The following RORC variants were observed in gnomAD, a reference collection of about 807,000 sequenced individuals.
RORC encodes RAR related orphan receptor C.
A neutral mutation model predicts 64.5 loss-of-function variants in RORC; 13 were observed. The ratio of observed to expected loss-of-function variants is 0.20; its 90% CI spans 0.13 to 0.32. The LOEUF is 0.32. RORC is among the 10% of genes least tolerant of loss of function. RORC has a pLI of 1.00. For missense variants in RORC, 468 were observed against 669.5 expected (o/e 0.70, Z 3.32); for synonymous variants, 277 against 259.3 (o/e 1.07, Z -0.65).
intron 2 of RORC, among the ~76,000 whole-genome samples, chr1:151,824,825 G>A (rs1335130138): frequency 2.0e-5 from 3 of 152,192 alleles, no homozygotes; most frequent in African/African-American, 7.2e-5. Context: ...CAGTGACTTG[G>A]CTTGTCTAAG....
intron 1 of RORC, among the ~76,000 whole-genome samples, chr1:151,829,810 T>C (rs1028217453): frequency 1.3e-5 from 2 of 152,184 alleles, no homozygotes; most frequent in Non-Finnish European, 2.9e-5. Context: ...ACACACCCCC[T>C]TCCCCTGCCC....
chr1:151,827,801 G>T (rs1468761069), intron 2 of RORC, among the ~76,000 whole-genome samples: 1 of 152,192 alleles, frequency 6.6e-6, no homozygotes, highest in Non-Finnish European at 1.5e-5. Context: ...GTGGGGACAC[G>T]AGGACTGGTG....
chr1:151,814,514 C>T (rs1035094759), intron 6 of RORC, 60 bp downstream of exon 6: 12 of 1,558,784 alleles, frequency 7.7e-6, no homozygotes, highest in Non-Finnish European at 1.0e-5. Flanking sequence ...AGGTAGCCAT[C>T]TCTGAACTCT....
At chr1:151,829,522 C>G in intron 1 of RORC, 64 bp from the exon 2 acceptor site, 1 of 1,390,674 alleles carries the variant, frequency 7.2e-7, no homozygotes, top group Non-Finnish European at 9.5e-7. Flanking sequence ...GAGACACTTT[C>G]CCCACTCCTA....
In RORC at chr1:151,815,073, G is replaced by C; in HGVS notation, c.651C>G (p.Phe217Leu). ...ERGKAEGRES[F>L]YSTGSQLTPD... ...GGGTCAGCTGGCTGCCTGTGCTATA[G>C]AAGCTCTCTCTGCCCTCAGCCTTGC... Residue 217 changes from phenylalanine (F) to leucine (L), a missense_variant, in exon 5 of 11, where the codon TTC becomes TTG. By Grantham distance (22) the Phe-to-Leu change is conservative. Coordinates refer to ENST00000318247, the MANE Select transcript of RORC (RefSeq NM_005060.4). The C allele has an allele frequency of 6.2e-7, 1 of 1,614,232 alleles. No individual in the cohort carries two copies. Among genetic ancestry groups the C allele is most frequent in the South Asian group, 1.1e-5 (1 of 91,086 alleles).
At chr1:151,827,555 G>A (rs1652243039) in intron 2 of RORC, among the ~76,000 whole-genome samples, 1 of 152,202 alleles carries the variant, frequency 6.6e-6, no homozygotes, top group Non-Finnish European at 1.5e-5. Context: ...CCATCTTGGG[G>A]TTGTCTCAAT....
At position 151,829,472 on chromosome 1, in the gene RORC, A is replaced by C; in HGVS notation, c.41-14T>G. 1 of 1,524,900 alleles carries C rather than the reference A, an allele frequency of 6.6e-7. No homozygotes were observed. Among genetic ancestry groups the C allele is most frequent in the Non-Finnish European group, 8.7e-7 (1 of 1,144,226 alleles). 94.5% of individuals were successfully genotyped at this position (1,524,900 alleles called of 1,614,324 possible). On this transcript the variant is annotated splice_polypyrimidine_tract_variant and intron_variant, in intron 1 of 10. Coordinates refer to ENST00000318247, the MANE Select transcript of RORC (RefSeq NM_005060.4). ...CAGCCAGCAGCTCTGTAAAGACAAG[A>C]GAGGGGGTTGACGTCAAAGGTTGAA...
chr1:151,823,554 T>A (rs1041739873), intron 2 of RORC, among the ~76,000 whole-genome samples: 2 of 152,218 alleles, frequency 1.3e-5, no homozygotes, highest in African/African-American at 4.8e-5. Flanking sequence ...TTACTGCCAG[T>A]TATCTTTTCT....
At chr1:151,827,989 C>A (rs1225659283) in intron 2 of RORC, among the ~76,000 whole-genome samples, 2 of 151,940 alleles carry the variant, frequency 1.3e-5, no homozygotes, top group Admixed American at 6.6e-5. Context: ...ACTCCCTGAC[C>A]CGCTTTCCTC....
chr1:151,808,793 A>G (rs1428942450), intron 10 of RORC, among the ~76,000 whole-genome samples: 1 of 152,222 alleles, frequency 6.6e-6, no homozygotes, highest in Non-Finnish European at 1.5e-5. Context: ...TTCTTTAAAG[A>G]AAACTAAAGC....
At chr1:151,817,983 G>A (rs921565523) in intron 2 of RORC, among the ~76,000 whole-genome samples, 2 of 152,244 alleles carry the variant, frequency 1.3e-5, no homozygotes, top group African/African-American at 4.8e-5. Context: ...GTGTCTGAGT[G>A]TGAACACTTA....
Position 151,807,598 on chromosome 1 carries a change from G to A in RORC, c.1431C>T (p.Ser477=). 1 of 1,614,192 alleles carries A rather than the reference G, an allele frequency of 6.2e-7. No individual in the cohort carries two copies. Among genetic ancestry groups the A allele is most frequent in the African/African-American group, 1.3e-5 (1 of 75,034 alleles). Residue 477 remains serine, a synonymous_variant, in exon 11 of 11, where the codon AGC becomes AGT. Coordinates refer to ENST00000318247, the MANE Select transcript of RORC (RefSeq NM_005060.4). The surrounding 1 kb of genome is among the most constrained non-coding windows in gnomAD (Gnocchi z 5.0). ...PPKGKLRSLC[S]QHVERLQIFQ... ...AGATCTGCAGCCTTTCCACATGCTG[G>A]CTACACAGGCTCCGAAGCTTCCCCT...
intron 2 of RORC, among the ~76,000 whole-genome samples, chr1:151,827,023 C>T (rs1652221678): frequency 6.6e-6 from 1 of 152,182 alleles, no homozygotes; most frequent in South Asian, 2.1e-4. Flanking sequence ...GGGGCTGAGG[C>T]AGGAGAATCG....
chr1:151,827,773 C>T (rs2101677237), intron 2 of RORC, among the ~76,000 whole-genome samples: 1 of 152,268 alleles, frequency 6.6e-6, no homozygotes, highest in East Asian at 1.9e-4. Context: ...CCTGGATCCT[C>T]AGGACAACAC....
At chr1:151,825,939 C>G (rs750172796) in intron 2 of RORC, 1 of 1,613,778 alleles carries the variant, frequency 6.2e-7, no homozygotes, top group Non-Finnish European at 8.5e-7. Context: ...CTTCTCATGA[C>G]TGAGCCTTGG....
At chr1:151,814,502 G>T in intron 6 of RORC, 72 bp downstream of exon 6, 2 of 1,516,460 alleles carry the variant, frequency 1.3e-6, no homozygotes, top group Non-Finnish European at 1.8e-6. Context: ...CCAGTCGTGC[G>T]CAGGTAGCCA....
chr1:151,819,803 G>A (rs1215837024), intron 2 of RORC, among the ~76,000 whole-genome samples: 4 of 152,052 alleles, frequency 2.6e-5, no homozygotes, highest in Non-Finnish European at 5.9e-5. Flanking sequence ...GGCCAGTCAA[G>A]GACCCCCTTC....
chr1:151,826,108 G>A (rs1306381865), intron 2 of RORC: 2 of 1,389,986 alleles, frequency 1.4e-6, no homozygotes, highest in African/African-American at 1.5e-5. Flanking sequence ...GGGGGTTTAA[G>A]CTCTGCACCA....
At chr1:151,820,422 T>C (rs1326766073) in intron 2 of RORC, among the ~76,000 whole-genome samples, 1 of 152,106 alleles carries the variant, frequency 6.6e-6, no homozygotes, top group Non-Finnish European at 1.5e-5. Flanking sequence ...CTCAAACTGT[T>C]GCCCTGGAGC....
Sources: allele counts gnomAD v4.1 joint callset (sites outside exome capture counted in the v4.1 genomes callset), GRCh38; gene constraint gnomAD v4.1.1; non-coding constraint Gnocchi (gnomAD v3.1); transcripts MANE v1.5; gene names NCBI Gene and HGNC (gene_info 2026-07-23, HGNC 2026-07-21).